The following CDH23 variants were observed in gnomAD, a reference collection of about 807,000 sequenced individuals.
CDH23 encodes the protein cadherin-23.
In CDH23, 189 loss-of-function variants were observed where a neutral mutation model predicts 317.1. The ratio of observed to expected loss-of-function variants is 0.60; its 90% CI spans 0.53 to 0.67. CDH23 has a LOEUF of 0.67. Among genes scored for constraint, CDH23 ranks in the 30% least tolerant of loss-of-function variants. CDH23 has a pLI of 0.00. For synonymous variants in CDH23, 1,839 were observed against 1,876.8 expected (o/e 0.98, Z 0.52); for missense variants, 4,401 against 4,592.4 (o/e 0.96, Z 1.20).
intron 38 of CDH23, among the ~76,000 whole-genome samples, chr10:71,759,481 T>G (rs1352579308): frequency 6.6e-6 from 1 of 151,448 alleles, no homozygotes; most frequent in African/African-American, 2.4e-5. Context: ...CATTCCAGCC[T>G]GAGTGACAGA....
intron 22 of CDH23, among the ~76,000 whole-genome samples, chr10:71,695,838 C>G (rs1025460056): frequency 6.6e-6 from 1 of 152,188 alleles, no homozygotes; most frequent in African/African-American, 2.4e-5. Context: ...CCTTAGAGCC[C>G]AGGACTCTGG....
At chr10:71,616,467 G>A (rs1343146042) in intron 10 of CDH23, among the ~76,000 whole-genome samples, 1 of 152,244 alleles carries the variant, frequency 6.6e-6, no homozygotes, top group African/African-American at 2.4e-5. Flanking sequence ...TGGAAGTGAG[G>A]TGGTCAGCTC....
intron 38 of CDH23, among the ~76,000 whole-genome samples, chr10:71,766,343 A>G (rs553003513): frequency 6.0e-4 from 91 of 152,208 alleles, no homozygotes; most frequent in East Asian, 3.7e-3. Context: ...TGCTGCTGTC[A>G]AGACCCAGGC....
At chr10:71,563,972 C>G (rs911172609) in intron 6 of CDH23, among the ~76,000 whole-genome samples, 1 of 152,166 alleles carries the variant, frequency 6.6e-6, no homozygotes, top group Non-Finnish European at 1.5e-5. Context: ...TAGTCTTGAA[C>G]TCCTGGGTAG....
At chr10:71,429,009 A>G (rs1272361168) in intron 1 of CDH23, among the ~76,000 whole-genome samples, 1 of 152,192 alleles carries the variant, frequency 6.6e-6, no homozygotes, top group Non-Finnish European at 1.5e-5. Context: ...TGTGATTTGT[A>G]GATATTTTCT....
At chr10:71,443,885 T>C (rs1465312676) in intron 2 of CDH23, among the ~76,000 whole-genome samples, 1 of 152,256 alleles carries the variant, frequency 6.6e-6, no homozygotes, top group Non-Finnish European at 1.5e-5. Flanking sequence ...AGGTCCTGTT[T>C]GGTATGTGGC....
rs1841403550 is a variant in CDH23, at chr10:71,796,368, G to T, written c.6713-736G>T. ...GGGGAGCAGGCAGGGACTCTGGGAGGCAGTGGGTAGAACAGAAGGAAACCC... is the reference window on the plus strand; with the variant it reads ...GGGGAGCAGGCAGGGACTCTGGGAGTCAGTGGGTAGAACAGAAGGAAACCC... On this transcript the variant is annotated intron_variant, in intron 48 of 69. Coordinates refer to ENST00000224721, the MANE Select transcript of CDH23 (RefSeq NM_022124.6). 2.0e-5 allele frequency among the ~76,000 whole-genome samples: 3 copies of T among 152,316 alleles called. No homozygotes were observed. The South Asian group carries it at 6.2e-4, about 32-fold the overall frequency.
intron 3 of CDH23, among the ~76,000 whole-genome samples, chr10:71,460,948 T>C (rs1850949883): frequency 6.6e-6 from 1 of 152,204 alleles, no homozygotes; most frequent in Admixed American, 6.5e-5. Context: ...GCCTGGTCAC[T>C]AGGGACACCA....
chr10:71,609,983 TGTG>T (rs1860769580), intron 9 of CDH23, among the ~76,000 whole-genome samples: 1 of 127,064 alleles, frequency 7.9e-6, no homozygotes, highest in Non-Finnish European at 1.7e-5. Context: ...TGTGTGTGTG[TGTG>T]TGTGTGTGTG....
At chr10:71,535,362 T>C (rs537491239) in intron 6 of CDH23, among the ~76,000 whole-genome samples, 1 of 152,312 alleles carries the variant, frequency 6.6e-6, no homozygotes, top group African/African-American at 2.4e-5. Flanking sequence ...CCCTCCTGCC[T>C]TTCCCAGCCC....
rs368400622 is a variant in CDH23, at chr10:71,713,729, A to G, written c.3369+916A>G. 1.4e-3 allele frequency: 242 copies of G among 169,214 alleles called. 1 individual carries two copies. The highest frequency in any genetic ancestry group is 5.4e-3 in the African/African-American group (224 of 41,644). 10.5% of individuals were successfully genotyped at this position (169,214 alleles called of 1,614,324 possible). A position where few individuals can be genotyped will look rare whatever the true frequency, so the allele number is the denominator to read the frequency against. On this transcript the variant is annotated intron_variant, in intron 28 of 69. Coordinates refer to ENST00000224721, the MANE Select transcript of CDH23 (RefSeq NM_022124.6). ...CCCCTGGCCTGGTGCCTGAAACCCA[A>G]TTGAGAGCCCTCCCCCTCCTGGACT...
intron 38 of CDH23, among the ~76,000 whole-genome samples, chr10:71,759,842 C>CACACACACACACAT (rs1840257883): frequency 2.5e-5 from 1 of 40,036 alleles, no homozygotes; most frequent in Non-Finnish European, 7.6e-5. Flanking sequence ...CACACACACA[C>CACACACACACACAT]ACACATATAC....
intron 8 of CDH23, among the ~76,000 whole-genome samples, chr10:71,577,341 T>G (rs1858283466): frequency 6.6e-6 from 1 of 152,110 alleles, no homozygotes; most frequent in African/African-American, 2.4e-5. Flanking sequence ...CACAGTGCTG[T>G]GTGGGCCATG....
intron 17 of CDH23, 121 bp downstream of exon 17, chr10:71,679,613 C>T: frequency 1.3e-6 from 1 of 799,516 alleles, no homozygotes; most frequent in African/African-American, 1.7e-5. Context: ...CTGGGCTACT[C>T]AGGAAGCTGC....
intron 6 of CDH23, among the ~76,000 whole-genome samples, chr10:71,523,375 C>T (rs916239013): frequency 2.0e-5 from 3 of 152,160 alleles, no homozygotes; most frequent in African/African-American, 4.8e-5. Context: ...CTCCTCACCT[C>T]CCCCAAACCA....
Position 71,739,715 on chromosome 10 carries a change from C to T in CDH23, c.4431C>T (p.Gly1477=), listed in dbSNP as rs763102268. Residue 1477 remains glycine, a synonymous_variant, in exon 36 of 70, where the codon GGC becomes GGT. Coordinates refer to ENST00000224721, the MANE Select transcript of CDH23 (RefSeq NM_022124.6). The part of the protein sequence containing the change: ...FEIVTTNDSI[G]EVFVARPLDR... Reference sequence around the variant, plus strand: ...TCGTCACCACCAATGACTCCATTGGCGAAGTGTTTGTGGCCAGGCCCCTGG... The same window carrying T: ...TCGTCACCACCAATGACTCCATTGGTGAAGTGTTTGTGGCCAGGCCCCTGG... 42 of 1,613,348 alleles carry T rather than the reference C, an allele frequency of 2.6e-5. No homozygotes were observed. In the East Asian group the frequency reaches 4.9e-4, roughly 19 times the overall value.
chr10:71,658,972 A>C (rs2132626821), intron 14 of CDH23, among the ~76,000 whole-genome samples: 1 of 152,300 alleles, frequency 6.6e-6, no homozygotes, highest in Non-Finnish European at 1.5e-5. Flanking sequence ...CCTCATCTGG[A>C]AAATGAAAGG....
intron 34 of CDH23, chr10:71,737,623 G>A: frequency 2.2e-6 from 1 of 459,192 alleles, no homozygotes; most frequent in Non-Finnish European, 4.4e-6. Context: ...GCAGAGAATG[G>A]GGTCTGGCCT....
chr10:71,796,613 C>T (rs920718328), intron 48 of CDH23, among the ~76,000 whole-genome samples: 4 of 152,182 alleles, frequency 2.6e-5, no homozygotes, highest in East Asian at 1.9e-4. Context: ...ATACACATAA[C>T]GAAATTTACC....
Sources: gnomAD v4.1 joint callset for allele counts (sites outside exome capture counted in the v4.1 genomes callset) on GRCh38, gnomAD v4.1.1 for gene constraint, MANE v1.5 for transcripts, NCBI Gene and HGNC (gene_info 2026-07-23, HGNC 2026-07-21) for gene names.